Variants in TBC1D13 observed in about 807,000 individuals in gnomAD.
The protein encoded by TBC1D13 is TBC1 domain family member 13.
A neutral mutation model predicts 53.6 loss-of-function variants in TBC1D13; 40 were observed. The ratio of observed to expected loss-of-function variants is 0.75; its 90% CI spans 0.58 to 0.97. The LOEUF (loss-of-function observed/expected upper bound fraction) is 0.97, where lower values mean the gene tolerates loss of function less well. TBC1D13 is among the 50% of genes least tolerant of loss of function. The probability of loss-of-function intolerance (pLI) is 0.00; values close to 1 mark genes in which losing one functional copy is unlikely to be tolerated. For synonymous variants in TBC1D13, 182 were observed against 197.7 expected, an observed-to-expected ratio of 0.92 and a Z score of 0.67; for missense variants, 377 against 499.4, an observed-to-expected ratio of 0.75 and a Z score of 2.34.
intron 10 of TBC1D13, 102 bp downstream of exon 10, chr9:128,806,121 A>T: frequency 6.3e-7 from 1 of 1,583,602 alleles, no homozygotes; most frequent in Non-Finnish European, 8.6e-7. Flanking sequence ...CTGCTCTTTC[A>T]TGGCTGGAGT....
chr9:128,803,420 C>T lies in TBC1D13; in HGVS notation c.714C>T (p.Leu238=), dbSNP rs757303261. Reference sequence around the variant, plus strand: ...GCATGAATGAAATCGTGGGGCCCCTCTACTACACCTTTGCCACCGACCCCA... The same window carrying T: ...GCATGAATGAAATCGTGGGGCCCCTTTACTACACCTTTGCCACCGACCCCA... ...VQGMNEIVGP[L]YYTFATDPNS... Residue 238 remains leucine (L), a synonymous_variant, in exon 8 of 12, where the codon CTC becomes CTT. Coordinates refer to ENST00000372648, the MANE Select transcript of TBC1D13 (RefSeq NM_018201.5). The T allele has an allele frequency of 6.8e-6, 11 of 1,614,184 alleles. No individual in the cohort carries two copies. In the South Asian group the frequency reaches 9.9e-5, roughly 14 times the overall value.
rs1407091583 is a variant in TBC1D13, at chr9:128,790,735, G to A, written c.98G>A (p.Gly33Asp). ...TGACCTTTGCCTGCTGTGTCCACAG[G>A]CATCCCCTGTGAGGGCGGACTGCGG... is the stretch of plus-strand genomic sequence containing the variant. The part of the protein sequence containing the change: ...LEKLRELSFS[G>D]IPCEGGLRCL... Residue 33 changes from glycine to aspartate, a missense_variant and splice_region_variant, in exon 3 of 12, where the codon GGC (glycine) becomes GAC (aspartate). Transcript: ENST00000372648. 6.4e-7 allele frequency: 1 copy of A among 1,552,262 alleles called. No homozygotes were observed. The highest frequency in any genetic ancestry group is 8.6e-7 in the Non-Finnish European group (1 of 1,157,748).
At chr9:128,794,553 G>A (rs1829594473) in intron 6 of TBC1D13, among the ~76,000 whole-genome samples, 1 of 151,716 alleles carries the variant, frequency 6.6e-6, no homozygotes, top group African/African-American at 2.4e-5. Flanking sequence ...TCGGCTCACT[G>A]CAACATCCGC....
chr9:128,798,864 TTTTG>T (rs945208009), intron 7 of TBC1D13, among the ~76,000 whole-genome samples: 6 of 152,124 alleles, frequency 3.9e-5, no homozygotes, highest in South Asian at 2.1e-4. Flanking sequence ...TGACTTTGTT[TTTTG>T]TTTGTTTGTT....
At chr9:128,790,647 C>T in intron 2 of TBC1D13, 88 bp from the exon 3 acceptor site, 2 of 1,277,328 alleles carry the variant, frequency 1.6e-6, no homozygotes, top group African/African-American at 3.1e-5. Context: ...CTTGCCCACT[C>T]TACTCCCCGC....
chr9:128,797,762 T>C (rs10739735), intron 7 of TBC1D13, among the ~76,000 whole-genome samples: 145,544 of 152,330 alleles, frequency 0.96, 69,543 homozygotes, highest in Non-Finnish European at 0.96. Flanking sequence ...TACATCACAC[T>C]ACTGCCCTCC....
chr9:128,792,626 TC>T, intron 6 of TBC1D13, 52 bp downstream of exon 6: 2 of 1,511,406 alleles, frequency 1.3e-6, no homozygotes, highest in South Asian at 2.3e-5. Flanking sequence ...TCTGGGGCTC[TC>T]TGCAGCTCTG....
chr9:128,802,076 A>G (rs1452324303), intron 7 of TBC1D13, among the ~76,000 whole-genome samples: 3 of 138,178 alleles, frequency 2.2e-5, no homozygotes, highest in Non-Finnish European at 4.7e-5. Context: ...GTTTTTTGAA[A>G]TGGAGTTTCA....
chr9:128,793,607 C>G (rs745785890), intron 6 of TBC1D13, among the ~76,000 whole-genome samples: 2 of 152,222 alleles, frequency 1.3e-5, no homozygotes, highest in Admixed American at 6.5e-5. Context: ...ACAGAACGGG[C>G]TGGGTCTCCA....
rs577258574 is a variant in TBC1D13 at position 128,809,882 on chromosome 9, C to T, written c.*2003C>T. On this transcript the variant is annotated 3_prime_UTR_variant, in exon 12 of 12. Transcript: ENST00000372648. Reference sequence around the variant, plus strand: ...GCTTCCTGCTCACCTGGGCCACCCTCTCTCCAGGACTTGTCAGCTGGTGGT... The same window carrying T: ...GCTTCCTGCTCACCTGGGCCACCCTTTCTCCAGGACTTGTCAGCTGGTGGT... 1 of 152,538 alleles carries T rather than the reference C, an allele frequency of 6.6e-6. No homozygotes were observed. The highest frequency in any genetic ancestry group is 1.5e-5 in the Non-Finnish European group (1 of 68,268). 9.4% of individuals were successfully genotyped at this position (152,538 alleles called of 1,614,324 possible).
chr9:128,803,681 G>A (rs1244183517), intron 8 of TBC1D13, among the ~76,000 whole-genome samples: 1 of 152,220 alleles, frequency 6.6e-6, no homozygotes, highest in East Asian at 1.9e-4. Context: ...TATGTAGGAA[G>A]CCGAATTATA....
intron 11 of TBC1D13, among the ~76,000 whole-genome samples, chr9:128,807,109 CAG>C (rs1829850151): frequency 7.1e-6 from 1 of 140,454 alleles, no homozygotes; most frequent in South Asian, 2.4e-4. Flanking sequence ...TTTTTTGAGA[CAG>C]AGTCTCGCTC....
At chr9:128,803,815 G>A in intron 8 of TBC1D13, 141 bp from the exon 9 acceptor site, 1 of 1,091,200 alleles carries the variant, frequency 9.2e-7, no homozygotes. Context: ...GTGGAGAGGG[G>A]TCAAGGACAG....
At chr9:128,792,438 G>A (rs567298754) in intron 5 of TBC1D13, 54 bp from the exon 6 acceptor site, 26 of 1,541,494 alleles carry the variant, frequency 1.7e-5, no homozygotes, top group Admixed American at 3.4e-5. Context: ...GGATAGAATC[G>A]GGCCCCGGGG....
At chr9:128,799,380 C>G (rs1353519375) in intron 7 of TBC1D13, among the ~76,000 whole-genome samples, 1 of 152,204 alleles carries the variant, frequency 6.6e-6, no homozygotes, top group East Asian at 1.9e-4. Context: ...GCAAGTCACA[C>G]ATATCCTGGC....
chr9:128,803,536 C>A, intron 8 of TBC1D13, 76 bp downstream of exon 8: 1 of 1,372,492 alleles, frequency 7.3e-7, no homozygotes, highest in Non-Finnish European at 1.0e-6. Flanking sequence ...CCCTCTCGGG[C>A]CTCTGTTCTC....
rs1829535956 is a variant in TBC1D13 at position 128,791,672 on chromosome 9, G to A, written c.279G>A (p.Glu93=). ...AGGCCAACATGGGTGTGTCCAGGGA[G>A]GATGTGACTTTTGAGGACCATGTGA... ...IAKANMGVSR[E]DVTFEDHPLN... is the part of the protein sequence containing the mutation. The change falls in exon 5 of 12, where the codon GAG becomes GAA. Residue 93 remains glutamate (E), a synonymous_variant. Coordinates refer to ENST00000372648, the MANE Select transcript of TBC1D13 (RefSeq NM_018201.5). 10 of 1,614,236 alleles carry A rather than the reference G, an allele frequency of 6.2e-6. No homozygotes were observed. Among genetic ancestry groups the A allele is most frequent in the Non-Finnish European group, 7.6e-6 (9 of 1,180,034 alleles).
At chr9:128,801,746 TTTTTTTG>T (rs1305561921) in intron 7 of TBC1D13, among the ~76,000 whole-genome samples, 273 of 145,628 alleles carry the variant, frequency 1.9e-3, no homozygotes, top group Admixed American at 2.8e-3. Flanking sequence ...ATATTTAAGA[TTTTTTTG>T]TTTTTTGTTT....
chr9:128,791,300 T>C (rs1829527603), intron 3 of TBC1D13, 80 bp from the exon 4 acceptor site: 4 of 1,340,504 alleles, frequency 3.0e-6, no homozygotes, highest in African/African-American at 1.4e-5. Flanking sequence ...GATGTTTTTC[T>C]TGAGGCCTGT....
Sources: allele counts gnomAD v4.1 joint callset (sites outside exome capture counted in the v4.1 genomes callset), GRCh38; gene constraint gnomAD v4.1.1; transcripts MANE v1.5; gene names NCBI Gene and HGNC (gene_info 2026-07-23, HGNC 2026-07-21).